Variants in C2CD2L observed in about 807,000 individuals in gnomAD.
C2CD2L encodes C2CD2 like.
A neutral mutation model predicts 69.9 loss-of-function variants in C2CD2L; 24 were observed. That is an observed-to-expected ratio of 0.34 (90% CI 0.25 to 0.48). C2CD2L has a LOEUF of 0.48. Among genes scored for constraint, C2CD2L ranks in the 20% least tolerant of loss-of-function variants. The pLI is 0.99. For synonymous variants in C2CD2L, 367 were observed against 391.0 expected (o/e 0.94, Z 0.72); for missense variants, 811 against 941.5 (o/e 0.86, Z 1.81).
In C2CD2L at chr11:119,116,292, C is replaced by T. The variant is rs1481764670; in HGVS notation, c.*36C>T. On this transcript the variant is annotated 3_prime_UTR_variant, in exon 14 of 14. Coordinates refer to ENST00000648610, the MANE Select transcript of C2CD2L (RefSeq NM_001290474.2). ...CTGAAAGGGCACGAGTTCTCTCAGC[C>T]CATTCCCCACCTCCCCTTCCATACC... 2.7e-6 allele frequency: 4 copies of T among 1,480,712 alleles called. No individual in the cohort carries two copies. The highest frequency in any genetic ancestry group is 4.5e-5 in the East Asian group (2 of 44,148). The allele number at this position is 1,480,712 out of a possible 1,614,324, so 91.7% of individuals were successfully genotyped here.
At chr11:119,102,757 C>G (rs116514494), upstream of C2CD2L, among the ~76,000 whole-genome samples, 1,347 of 152,058 alleles carry the variant, frequency 8.9e-3, 27 homozygotes, top group African/African-American at 0.031. Flanking sequence ...GAGGAACTCC[C>G]AGTCAGGTTT....
chr11:119,108,098 G>A lies in C2CD2L; in HGVS notation c.354+3G>A, dbSNP rs369847525. 6 of 1,582,720 alleles carry A rather than the reference G, an allele frequency of 3.8e-6. No homozygotes were observed. The highest frequency in any genetic ancestry group is 1.1e-5 in the South Asian group (1 of 89,532). On this transcript the variant is annotated splice_donor_region_variant and intron_variant, in intron 1 of 13. Transcript: ENST00000648610. ...ACGAGCAGGCCTGCAGAAACGGGGT[G>A]AGTTGGACCAAGCGCTTGGGTGGTC...
chr11:119,114,637 T>A lies in C2CD2L; in HGVS notation c.1909+272T>A. ...TCTAAGTGCCATTTTTCCTGCCCTTTAAAAAAAAATTATAAAAATTTATTC... is the reference window on the plus strand; with the variant it reads ...TCTAAGTGCCATTTTTCCTGCCCTTAAAAAAAAAATTATAAAAATTTATTC... On this transcript the variant is annotated intron_variant, in intron 13 of 13. Transcript: ENST00000648610. The surrounding 1 kb of genome is among the most constrained non-coding windows in gnomAD (Gnocchi z 5.1). The A allele has an allele frequency of 2.1e-5, 9 of 418,936 alleles. No individual in the cohort carries two copies. Among genetic ancestry groups the A allele is most frequent in the East Asian group, 4.7e-5 (1 of 21,250 alleles). The allele number at this position is 418,936 out of a possible 1,614,324, so 26.0% of individuals were successfully genotyped here.
Position 119,111,634 on chromosome 11 carries a change from G to A in C2CD2L, c.1019+5G>A. The A allele has an allele frequency of 6.2e-7, 1 of 1,601,260 alleles. No individual in the cohort carries two copies. The highest frequency in any genetic ancestry group is 8.6e-7 in the Non-Finnish European group (1 of 1,169,560). ...GTGGACAGAAGACCTGGCACTGTAA[G>A]GAGTAACCCTGCCCCGACCCCATGC... is the stretch of plus-strand genomic sequence containing the variant. On this transcript the variant is annotated splice_donor_5th_base_variant and intron_variant, in intron 7 of 13. Coordinates refer to ENST00000648610, the MANE Select transcript of C2CD2L (RefSeq NM_001290474.2).
In C2CD2L at chr11:119,111,267, C is replaced by T. The variant is rs1328553070; in HGVS notation, c.803C>T (p.Pro268Leu). The T allele has an allele frequency of 1.2e-6, 2 of 1,613,854 alleles. No individual in the cohort carries two copies. The highest frequency in any genetic ancestry group is 1.7e-6 in the Non-Finnish European group (2 of 1,179,858). Residue 268 changes from proline (P) to leucine (L), a missense_variant, in exon 6 of 14, where the codon CCC becomes CTC. Pro to Leu is a moderately conservative substitution (Grantham distance 98). Coordinates refer to ENST00000648610, the MANE Select transcript of C2CD2L (RefSeq NM_001290474.2). ...RACSAPGGLVPSEKPPMMPQA... is the reference protein window; with the variant it reads ...RACSAPGGLVLSEKPPMMPQA... ...TGGACCTTCTTCTGCTCTTAGGTAC[C>T]CAGTGAGAAGCCACCCATGATGCCC...
chr11:119,113,870 C>A lies in C2CD2L; in HGVS notation c.1505C>A (p.Ser502Tyr), dbSNP rs765954759. Reference sequence around the variant, plus strand: ...CCCCTAGCAGGGGACAGCCACCTTTCCAACGGCTTGGACCCTGTAGCAGAG... The same window carrying A: ...CCCCTAGCAGGGGACAGCCACCTTTACAACGGCTTGGACCCTGTAGCAGAG... Reference protein sequence around the residue: ...SHSSSRDSHLSNGLDPVAETA... With the variant: ...SHSSSRDSHLYNGLDPVAETA... The change falls in exon 12 of 14, where the codon TCC (serine) becomes TAC (tyrosine). Residue 502 changes from serine (S) to tyrosine (Y), a missense_variant. Coordinates refer to ENST00000648610, the MANE Select transcript of C2CD2L (RefSeq NM_001290474.2). 2 of 1,614,172 alleles carry A rather than the reference C, an allele frequency of 1.2e-6. No individual in the cohort carries two copies. The highest frequency in any genetic ancestry group is 2.2e-5 in the South Asian group (2 of 91,088).
rs773074727 is a variant in C2CD2L, at chr11:119,111,414, G to A, written c.910+40G>A. On this transcript the variant is annotated intron_variant, in intron 6 of 13. Coordinates refer to ENST00000648610, the MANE Select transcript of C2CD2L (RefSeq NM_001290474.2). The stretch of plus-strand genomic sequence containing the variant: ...TGGCTGCGGGACTGCCAAGGCTATG[G>A]TTGGTTGCAGATGCTCTCTGCCCCT... 10 of 1,603,906 alleles carry A rather than the reference G, an allele frequency of 6.2e-6. No individual in the cohort carries two copies. The South Asian group carries it at 1.1e-4, about 18-fold the overall frequency.
chr11:119,105,281 T>A (rs1213258033), upstream of C2CD2L, among the ~76,000 whole-genome samples: 1 of 152,004 alleles, frequency 6.6e-6, no homozygotes, highest in Non-Finnish European at 1.5e-5. Context: ...AAAGCAGACA[T>A]ATAAACAATC....
Position 119,113,919 on chromosome 11 carries a change from G to A in C2CD2L, c.1554G>A (p.Glu518=). ...AGACAGCGATTCGCCAGCTGACAGA[G>A]CCCAGTGGGCGGGTGGCCAAGAAGA... ...VAETAIRQLT[E]PSGRVAKKTP... The change falls in exon 12 of 14, where the codon GAG becomes GAA. Residue 518 remains glutamate, a synonymous_variant. Transcript: ENST00000648610. The A allele has an allele frequency of 6.2e-7, 1 of 1,614,202 alleles. No individual in the cohort carries two copies. Among genetic ancestry groups the A allele is most frequent in the South Asian group, 1.1e-5 (1 of 91,088 alleles).
rs370955167 is a variant in C2CD2L at position 119,112,811 on chromosome 11, G to A, written c.1324G>A (p.Asp442Asn). Residue 442 changes from aspartate to asparagine, a missense_variant, in exon 10 of 14, where the codon GAT becomes AAT. Transcript: ENST00000648610. ...TGAGCTTGACCGGACCATCATGCCC[G>A]ATGGCACCATTGTCACCACAGTCAC... The part of the protein sequence containing the change: ...KIELDRTIMP[D>N]GTIVTTVTTV... 3.4e-5 allele frequency: 55 copies of A among 1,613,910 alleles called. No individual in the cohort carries two copies. Among genetic ancestry groups the A allele is most frequent in the Non-Finnish European group, 4.3e-5 (51 of 1,179,960 alleles).
upstream of C2CD2L, among the ~76,000 whole-genome samples, chr11:119,104,928 C>T (rs1383162748): frequency 2.0e-5 from 3 of 152,198 alleles, no homozygotes; most frequent in Admixed American, 2.0e-4. Flanking sequence ...CCACCTCTCC[C>T]CTCTTAGTCT....
Position 119,117,454 on chromosome 11 carries a change from C to G in C2CD2L, c.*1198C>G, listed in dbSNP as rs1946923367. The G allele has an allele frequency of 6.6e-6, 1 of 152,210 alleles. No individual in the cohort carries two copies. The highest frequency in any genetic ancestry group is 1.9e-4 in the East Asian group (1 of 5,202). 9.4% of individuals were successfully genotyped at this position (152,210 alleles called of 1,614,324 possible). On this transcript the variant is annotated 3_prime_UTR_variant, in exon 14 of 14. Transcript: ENST00000648610. Reference sequence around the variant, plus strand: ...CTGCCTGCCTGGGTTTGAGTCCCAGCTCTTCTAATTACTTGTGTGACCTTG... The same window carrying G: ...CTGCCTGCCTGGGTTTGAGTCCCAGGTCTTCTAATTACTTGTGTGACCTTG...
chr11:119,113,040 C>T (rs1033212275), intron 10 of C2CD2L, 166 bp downstream of exon 10: 6 of 639,588 alleles, frequency 9.4e-6, no homozygotes, highest in Admixed American at 6.0e-5. Flanking sequence ...CTCTTCCAAA[C>T]TTTCCCTTAC....
In C2CD2L at chr11:119,116,229, C is replaced by A; in HGVS notation, c.2094C>A (p.Ala698=). Residue 698 remains alanine, a synonymous_variant, in exon 14 of 14, where the codon GCC becomes GCA. Transcript: ENST00000648610. ...TTTCCTTCAAATCCAAACCCAAGGC[C>A]AATGGTAACCCCAGCCCCCAGCTCT... ...KRFSFKSKPK[A]NGNPSPQL 6.2e-7 allele frequency: 1 copy of A among 1,614,200 alleles called. No individual in the cohort carries two copies. The highest frequency in any genetic ancestry group is 8.5e-7 in the Non-Finnish European group (1 of 1,180,004).
Position 119,113,874 on chromosome 11 carries a change from C to A in C2CD2L, c.1509C>A (p.Asn503Lys). Residue 503 changes from asparagine (N) to lysine (K), a missense_variant, in exon 12 of 14, where the codon AAC (asparagine) becomes AAA (lysine). Coordinates refer to ENST00000648610, the MANE Select transcript of C2CD2L (RefSeq NM_001290474.2). The stretch of plus-strand genomic sequence containing the variant: ...TAGCAGGGGACAGCCACCTTTCCAA[C>A]GGCTTGGACCCTGTAGCAGAGACAG... ...HSSSRDSHLS[N>K]GLDPVAETAI... is the part of the protein sequence containing the mutation. 6.2e-7 allele frequency: 1 copy of A among 1,614,122 alleles called. No homozygotes were observed. Among genetic ancestry groups the A allele is most frequent in the Non-Finnish European group, 8.5e-7 (1 of 1,179,976 alleles).
At chr11:119,106,125 G>A (rs149215748), upstream of C2CD2L, among the ~76,000 whole-genome samples, 86 of 152,318 alleles carry the variant, frequency 5.6e-4, 1 homozygote, top group East Asian at 0.015. Flanking sequence ...ATTCCTTACA[G>A]GGAAATCTAG....
chr11:119,111,710 G>A (rs1423508909), intron 7 of C2CD2L, 81 bp downstream of exon 7: 1 of 980,494 alleles, frequency 1.0e-6, no homozygotes, highest in African/African-American at 1.6e-5. Context: ...GCAGGAATCA[G>A]CTCTGTTTTC....
chr11:119,115,970 C>G, intron 13 of C2CD2L, 75 bp from the exon 14 acceptor site: 1 of 1,210,712 alleles, frequency 8.3e-7, no homozygotes, highest in Non-Finnish European at 1.2e-6. Flanking sequence ...TCCCTCCATT[C>G]TCCATCGTGT....
rs1946809200 is a variant in C2CD2L, at chr11:119,113,669, G to A, written c.1446G>A (p.Leu482=). ...TGACCGAGAAGACGACAACTGTGCT[G>A]AGTGAGAGCAGTGGCCCCAGCAATA... ...VEVTEKTTTV[L]SESSGPSNTS... The change falls in exon 11 of 14, where the codon CTG becomes CTA. Residue 482 remains leucine, a synonymous_variant. Transcript: ENST00000648610. 1.9e-6 allele frequency: 3 copies of A among 1,613,928 alleles called. No homozygotes were observed. The highest frequency in any genetic ancestry group is 4.5e-5 in the East Asian group (2 of 44,856).
Sources: gnomAD v4.1 joint callset for allele counts (sites outside exome capture counted in the v4.1 genomes callset) on GRCh38, gnomAD v4.1.1 for gene constraint, Gnocchi (gnomAD v3.1) non-coding constraint, MANE v1.5 for transcripts, NCBI Gene and HGNC (gene_info 2026-07-23, HGNC 2026-07-21) for gene names.